UNC13C: variants seen among roughly 807,000 people sequenced by gnomAD.
The protein encoded by UNC13C is protein unc-13 homolog C.
Under a neutral mutation model 245.4 loss-of-function variants are expected in UNC13C, and 174 were observed. That is an observed-to-expected ratio of 0.71 (90% confidence interval 0.63 to 0.80). UNC13C has a LOEUF of 0.80. Ranked by LOEUF, UNC13C falls within the 30% of genes least tolerant of loss-of-function variation. The pLI is 0.00. For synonymous variants in UNC13C, 992 were observed against 895.1 expected (o/e 1.11, Z -1.93); for missense variants, 2,829 against 2,602.9 (o/e 1.09, Z -1.89).
chr15:54,375,427 G>C (rs1004067263), intron 17 of UNC13C, among the ~76,000 whole-genome samples: 7 of 152,160 alleles, frequency 4.6e-5, no homozygotes, highest in African/African-American at 1.7e-4. Flanking sequence ...AATCTTGACT[G>C]AATCTGTGAC....
intron 17 of UNC13C, among the ~76,000 whole-genome samples, chr15:54,340,154 G>A (rs56088721): frequency 0.24 from 36,930 of 151,798 alleles, 5,024 homozygotes; most frequent in Admixed American, 0.34. Context: ...TTACTAATTT[G>A]TTTGAGTTTC....
intron 2 of UNC13C, among the ~76,000 whole-genome samples, chr15:54,106,098 G>T (rs1430039912): frequency 2.0e-5 from 3 of 152,130 alleles, no homozygotes; most frequent in African/African-American, 7.2e-5. Context: ...TTCTGTGTTG[G>T]TACAGCAGTC....
At chr15:54,279,092 G>GTC (rs1374154106) in intron 10 of UNC13C, among the ~76,000 whole-genome samples, 11 of 152,110 alleles carry the variant, frequency 7.2e-5, no homozygotes, top group Non-Finnish European at 1.3e-4. Context: ...TAATGATAAA[G>GTC]GGCAATACTG....
intron 21 of UNC13C, among the ~76,000 whole-genome samples, chr15:54,500,452 A>G (rs780532498): frequency 1.7e-4 from 26 of 151,960 alleles, no homozygotes; most frequent in Non-Finnish European, 2.8e-4. Flanking sequence ...TGTACAAAAC[A>G]TCTTTGTTGT....
intron 7 of UNC13C, among the ~76,000 whole-genome samples, chr15:54,246,124 T>A (rs1312477350): frequency 1.3e-5 from 2 of 152,174 alleles, no homozygotes; most frequent in Non-Finnish European, 2.9e-5. Flanking sequence ...CTTCAGGTAG[T>A]AATCAATAGA....
chr15:53,859,900 C>T, the UNC13C span, among the ~76,000 whole-genome samples: 68,728 of 152,008 alleles, frequency 0.45, 15,939 homozygotes, highest in Middle Eastern at 0.59. Flanking sequence ...TGTTCTCCTA[C>T]GGTTTTGTCT....
chr15:54,280,695 TATGTATAC>T (rs148589668), intron 10 of UNC13C, among the ~76,000 whole-genome samples: 14,081 of 92,672 alleles, frequency 0.15, 822 homozygotes, highest in African/African-American at 0.24. Flanking sequence ...TATATAAACA[TATGTATAC>T]ATACATATAT....
chr15:54,400,285 C>A (rs899344940), intron 18 of UNC13C, among the ~76,000 whole-genome samples: 2 of 151,950 alleles, frequency 1.3e-5, no homozygotes, highest in Non-Finnish European at 2.9e-5. Context: ...TGGTTTGTTT[C>A]AGTCAGGATC....
chr15:54,174,460 T>A (rs1294494518), intron 4 of UNC13C, among the ~76,000 whole-genome samples: 6 of 152,178 alleles, frequency 3.9e-5, no homozygotes, highest in African/African-American at 1.4e-4. Flanking sequence ...TAATGATAAT[T>A]GTGCTGTTTT....
chr15:53,915,957 A>C, the UNC13C span, among the ~76,000 whole-genome samples: 2 of 152,238 alleles, frequency 1.3e-5, no homozygotes, highest in Non-Finnish European at 2.9e-5. Context: ...AAATGAAAAT[A>C]AATGCATTAC....
chr15:54,611,668 C>T (rs992048847), intron 30 of UNC13C: 1 of 152,056 alleles, frequency 6.6e-6, no homozygotes, highest in African/African-American at 2.4e-5. Flanking sequence ...TTATAAATCC[C>T]TCTTTCTTGA....
the UNC13C span, among the ~76,000 whole-genome samples, chr15:53,967,583 G>A: frequency 6.6e-6 from 1 of 151,962 alleles, no homozygotes; most frequent in East Asian, 1.9e-4. Flanking sequence ...TCCTCTCAAG[G>A]ACTTTTATTT....
chr15:53,959,945 TG>T, the UNC13C span, among the ~76,000 whole-genome samples: 1 of 152,152 alleles, frequency 6.6e-6, no homozygotes, highest in Non-Finnish European at 1.5e-5. Flanking sequence ...TTTTAATAAA[TG>T]GGGTGAACTA....
chr15:54,525,467 T>G (rs1895410198), intron 24 of UNC13C, 82 bp from the exon 25 acceptor site: 1 of 917,750 alleles, frequency 1.1e-6, no homozygotes, highest in African/African-American at 1.7e-5. Context: ...AGTTACCATA[T>G]AATAATCAAA....
chr15:54,217,523 G>T (rs1459590005), intron 4 of UNC13C, among the ~76,000 whole-genome samples: 1 of 151,904 alleles, frequency 6.6e-6, no homozygotes. Context: ...TCATTAATCT[G>T]TTCCTTAGTT....
the UNC13C span, among the ~76,000 whole-genome samples, chr15:53,964,852 C>T: frequency 6.6e-5 from 10 of 152,220 alleles, no homozygotes; most frequent in East Asian, 1.9e-4. Context: ...CAGCTAGTGT[C>T]GCTGGAGGGA....
rs751871290 is a variant in UNC13C, at chr15:54,014,546, G to C, written c.1643G>C (p.Arg548Pro). 5 of 1,613,728 alleles carry C rather than the reference G, an allele frequency of 3.1e-6. No individual in the cohort carries two copies. The highest frequency in any genetic ancestry group is 3.3e-5 in the Admixed American group (2 of 59,948). Residue 548 changes from arginine (R) to proline (P), a missense_variant, in exon 2 of 33, where the codon CGT becomes CCT. Transcript: ENST00000260323. Reference protein sequence around the residue: ...QSDFFTAKLSRSESDFSKLCQ... With the variant: ...QSDFFTAKLSPSESDFSKLCQ... The stretch of plus-strand genomic sequence containing the variant: ...GATTTTTTCACTGCTAAACTTAGTC[G>C]TTCTGAATCAGATTTTTCCAAATTG...
chr15:54,088,219 T>C (rs936951675), intron 2 of UNC13C, among the ~76,000 whole-genome samples: 1 of 144,482 alleles, frequency 6.9e-6, no homozygotes, highest in Non-Finnish European at 1.5e-5. Flanking sequence ...TTTTTTTTTT[T>C]TTTTTTTTAC....
intron 4 of UNC13C, among the ~76,000 whole-genome samples, chr15:54,229,244 C>T (rs149291690): frequency 1.9e-4 from 29 of 152,284 alleles, no homozygotes; most frequent in African/African-American, 6.3e-4. Context: ...TGAGGGGTGG[C>T]ATCAGTAATT....
Sources: allele counts gnomAD v4.1 joint callset (sites outside exome capture counted in the v4.1 genomes callset), GRCh38; gene constraint gnomAD v4.1.1; transcripts MANE v1.5; gene names NCBI Gene and HGNC (gene_info 2026-07-23, HGNC 2026-07-21).